NTM: variants seen among roughly 807,000 people sequenced by gnomAD.
The protein encoded by NTM is IgLON family member 2.
Under a neutral mutation model 42.1 loss-of-function variants are expected in NTM, and 13 were observed. That is an observed-to-expected ratio of 0.31 (90% CI 0.20 to 0.49). The LOEUF (loss-of-function observed/expected upper bound fraction) is 0.49. Among genes scored for constraint, NTM ranks in the 20% least tolerant of loss-of-function variants. NTM has a pLI of 0.99. For missense variants in NTM, 373 were observed against 452.8 expected, an observed-to-expected ratio of 0.82 and a Z score of 1.60; for synonymous variants, 187 against 179.2, an observed-to-expected ratio of 1.04 and a Z score of -0.35.
chr11:131,693,017 C>A (rs2074979264), intron 1 of NTM, among the ~76,000 whole-genome samples: 1 of 152,112 alleles, frequency 6.6e-6, no homozygotes, highest in Non-Finnish European at 1.5e-5. Flanking sequence ...AATGGCAGAG[C>A]AGGGACCATC....
intron 1 of NTM, among the ~76,000 whole-genome samples, chr11:131,643,229 C>T (rs1430597892): frequency 6.6e-6 from 1 of 152,206 alleles, no homozygotes; most frequent in Non-Finnish European, 1.5e-5. Flanking sequence ...AATTAAATGG[C>T]ACAGCTCAGA....
At chr11:131,822,456 A>G (rs7933032) in intron 1 of NTM, among the ~76,000 whole-genome samples, 3,332 of 152,312 alleles carry the variant, frequency 0.022, 129 homozygotes, top group African/African-American at 0.075. Context: ...GGTTTTTTTA[A>G]AAAAACAAAT....
At chr11:131,718,887 A>G (rs1050329069) in intron 1 of NTM, among the ~76,000 whole-genome samples, 7 of 152,074 alleles carry the variant, frequency 4.6e-5, no homozygotes, top group Non-Finnish European at 8.8e-5. Flanking sequence ...TCCATCTCTC[A>G]GGAGTAATTA....
chr11:132,060,894 G>T (rs933082085), intron 2 of NTM, among the ~76,000 whole-genome samples: 1 of 152,148 alleles, frequency 6.6e-6, no homozygotes, highest in African/African-American at 2.4e-5. Context: ...TCTAGAATGT[G>T]AATGTTTGTG....
intron 1 of NTM, among the ~76,000 whole-genome samples, chr11:131,493,392 A>G (rs371856557): frequency 5.9e-5 from 9 of 152,334 alleles, no homozygotes; most frequent in Non-Finnish European, 1.3e-4. Flanking sequence ...ACCCATGGAA[A>G]AAAAGAGCCC....
At chr11:132,257,599 C>G (rs1266423946) in intron 4 of NTM, among the ~76,000 whole-genome samples, 1 of 152,210 alleles carries the variant, frequency 6.6e-6, no homozygotes, top group Non-Finnish European at 1.5e-5. Context: ...AAACCAATGT[C>G]ACCAAACCCT....
At chr11:132,074,953 G>T (rs573724615) in intron 2 of NTM, among the ~76,000 whole-genome samples, 1 of 152,154 alleles carries the variant, frequency 6.6e-6, no homozygotes, top group Non-Finnish European at 1.5e-5. Context: ...AAATCACTAT[G>T]TTCCCTATAA....
At chr11:132,125,683 T>C (rs2065643740) in intron 2 of NTM, among the ~76,000 whole-genome samples, 1 of 1,012 alleles carries the variant, frequency 9.9e-4, no homozygotes, top group South Asian at 0.014. Flanking sequence ...TAGTGCGTAG[T>C]GGGGTATGTG....
intron 2 of NTM, among the ~76,000 whole-genome samples, chr11:132,079,367 G>A (rs1412322850): frequency 1.3e-5 from 2 of 152,114 alleles, no homozygotes; most frequent in Non-Finnish European, 2.9e-5. Context: ...AGGCAACCTG[G>A]GTTTGAATCC....
chr11:132,137,138 C>T (rs905664360), intron 2 of NTM, among the ~76,000 whole-genome samples: 8 of 152,174 alleles, frequency 5.3e-5, no homozygotes, highest in African/African-American at 1.2e-4. Flanking sequence ...AAAAAAGTGT[C>T]GATTTGGACA....
intron 1 of NTM, among the ~76,000 whole-genome samples, chr11:131,388,189 T>C (rs1190816672): frequency 2.0e-5 from 3 of 152,094 alleles, no homozygotes; most frequent in African/African-American, 4.8e-5. Context: ...TCGAATACTC[T>C]CACCTTAGAA....
chr11:131,789,547 A>AAAGAAGAAGAAGAAGAAG (rs71067336), intron 1 of NTM, among the ~76,000 whole-genome samples: 1 of 5,116 alleles, frequency 2.0e-4, no homozygotes, highest in African/African-American at 9.5e-4. Context: ...AAGAAGAAGA[A>AAAGAAGAAGAAGAAGAAG]AAGAAGAAGA....
chr11:132,207,401 A>G (rs1404401490), intron 3 of NTM, among the ~76,000 whole-genome samples: 2 of 152,120 alleles, frequency 1.3e-5, no homozygotes, highest in Non-Finnish European at 2.9e-5. Flanking sequence ...TCACCCCCAG[A>G]TGGGACCCCC....
intron 4 of NTM, among the ~76,000 whole-genome samples, chr11:132,241,208 A>G (rs905902624): frequency 6.6e-6 from 1 of 152,246 alleles, no homozygotes; most frequent in African/African-American, 2.4e-5. Context: ...AGCATTTCAC[A>G]TAAGGGATAC....
chr11:131,573,529 C>T (rs920461635), intron 1 of NTM: 7 of 152,276 alleles, frequency 4.6e-5, no homozygotes, highest in African/African-American at 1.7e-4. Flanking sequence ...AATTTCTACT[C>T]TCTCTCAAAG....
intron 1 of NTM, chr11:131,605,820 C>T (rs2060901682): frequency 2.0e-6 from 2 of 984,680 alleles, no homozygotes; most frequent in Admixed American, 6.1e-5. Context: ...GGTAGACAGC[C>T]CTATTTCTAA....
chr11:131,500,200 G>A (rs76434441), intron 1 of NTM, among the ~76,000 whole-genome samples: 2,101 of 152,302 alleles, frequency 0.014, 57 homozygotes, highest in African/African-American at 0.047. Flanking sequence ...GAGAGGATAA[G>A]CACCCTCCAG....
intron 1 of NTM, among the ~76,000 whole-genome samples, chr11:131,789,636 A>AGAGAAGAAG (rs1555127949): frequency 3.2e-5 from 1 of 30,900 alleles, no homozygotes; most frequent in African/African-American, 1.2e-4. Flanking sequence ...AAGAAGAAGA[A>AGAGAAGAAG]AAGAAGAAGA....
Position 131,917,194 on chromosome 11 carries a change from G to T in NTM, c.167+5546G>T, listed in dbSNP as rs1314744807. Among the ~76,000 whole-genome samples the T allele has an allele frequency of 2.6e-5, 4 of 152,216 alleles. No individual in the cohort carries two copies. In the East Asian group the frequency reaches 7.7e-4, roughly 29 times the overall value. On this transcript the variant is annotated intron_variant, in intron 2 of 8. Coordinates refer to ENST00000683400, the MANE Select transcript of NTM (RefSeq NM_001352005.2). ...GTTAGCAGTGTCTGGCGGATAGAAG[G>T]TGTTCAATAAATTTGTTGCATGAAT...
Sources: gnomAD v4.1 joint callset for allele counts (sites outside exome capture counted in the v4.1 genomes callset) on GRCh38, gnomAD v4.1.1 for gene constraint, MANE v1.5 for transcripts, NCBI Gene and HGNC (gene_info 2026-07-23, HGNC 2026-07-21) for gene names.